CDH18: variants seen among roughly 807,000 people sequenced by gnomAD.
CDH18 encodes the protein cadherin-18.
In CDH18, 31 loss-of-function variants were observed where a neutral mutation model predicts 67.9. That is an observed-to-expected ratio of 0.46 (90% confidence interval 0.34 to 0.62). CDH18 has a LOEUF of 0.62. CDH18 is among the 20% of genes least tolerant of loss of function. The pLI, the probability that CDH18 is intolerant of heterozygous loss-of-function variation, is 0.01. For missense variants in CDH18, 890 were observed against 975.5 expected (o/e 0.91, Z 1.17); for synonymous variants, 362 against 347.2 (o/e 1.04, Z -0.48).
intron 10 of CDH18, among the ~76,000 whole-genome samples, chr5:19,506,625 A>C (rs1744212706): frequency 6.6e-6 from 1 of 151,876 alleles, no homozygotes; most frequent in Non-Finnish European, 1.5e-5. Flanking sequence ...TCTGATCTTT[A>C]ACAAGCCTGG....
At chr5:19,676,644 G>C (rs1759526289) in intron 5 of CDH18, among the ~76,000 whole-genome samples, 1 of 151,920 alleles carries the variant, frequency 6.6e-6, no homozygotes, top group East Asian at 1.9e-4. Context: ...CACATTAAGA[G>C]AAAAAATGGC....
chr5:19,575,329 T>C (rs928554567), intron 7 of CDH18, among the ~76,000 whole-genome samples: 3 of 152,212 alleles, frequency 2.0e-5, no homozygotes, highest in Non-Finnish European at 2.9e-5. Context: ...GTGATGATGG[T>C]GGTTGGTATC....
At chr5:19,786,439 A>G (rs1458161017) in intron 3 of CDH18, among the ~76,000 whole-genome samples, 1 of 152,164 alleles carries the variant, frequency 6.6e-6, no homozygotes, top group Non-Finnish European at 1.5e-5. Context: ...AGGCTAAACT[A>G]CTGAAGTGAA....
chr5:19,523,841 A>G (rs1478930270), intron 9 of CDH18, among the ~76,000 whole-genome samples: 3 of 152,148 alleles, frequency 2.0e-5, no homozygotes, highest in Non-Finnish European at 2.9e-5. Flanking sequence ...AACAACGACA[A>G]TAGGAAAATA....
At chr5:19,664,947 T>G (rs1324665500) in intron 5 of CDH18, among the ~76,000 whole-genome samples, 1 of 151,984 alleles carries the variant, frequency 6.6e-6, no homozygotes, top group African/African-American at 2.4e-5. Flanking sequence ...ATGAATATAT[T>G]TGAAATAATA....
chr5:19,502,277 G>A (rs1743375359), intron 11 of CDH18, among the ~76,000 whole-genome samples: 1 of 152,050 alleles, frequency 6.6e-6, no homozygotes, highest in South Asian at 2.1e-4. Context: ...TATATAGTTT[G>A]GACAAAGAAA....
chr5:19,494,378 A>C (rs1212998083), intron 11 of CDH18, among the ~76,000 whole-genome samples: 1 of 152,192 alleles, frequency 6.6e-6, no homozygotes, highest in African/African-American at 2.4e-5. Context: ...GAAAACAGAG[A>C]TCCCGTAAAC....
At position 19,747,161 on chromosome 5, in the gene CDH18, T is replaced by A. The variant is rs996292501; in HGVS notation, c.304A>T (p.Ile102Phe). 1.2e-6 allele frequency: 2 copies of A among 1,614,014 alleles called. No homozygotes were observed. The highest frequency in any genetic ancestry group is 4.5e-5 in the East Asian group (2 of 44,868). Residue 102 changes from isoleucine to phenylalanine, a missense_variant, in exon 4 of 13, where the codon ATC becomes TTC. This residue lies in a region of CDH18 where 234 missense variants were observed against 307.4 expected (regional missense o/e 0.76). Coordinates refer to ENST00000382275, the MANE Select transcript of CDH18 (RefSeq NM_004934.5). ...ATATCACCCGTGGTATCGTCAATGA[T>A]AAATATAGTCCCAGCACCCTCTCCA... is the stretch of plus-strand genomic sequence containing the variant. Reference protein sequence around the residue: ...LTGEGAGTIFIIDDTTGDIHS... With the variant: ...LTGEGAGTIFFIDDTTGDIHS...
chr5:19,768,664 T>A (rs1396821040), intron 3 of CDH18, among the ~76,000 whole-genome samples: 1 of 152,076 alleles, frequency 6.6e-6, no homozygotes, highest in Admixed American at 6.6e-5. Flanking sequence ...AAGCTGAGAC[T>A]TCCACAAGCA....
upstream of CDH18, among the ~76,000 whole-genome samples, chr5:19,988,857 G>A (rs200330639): frequency 9.9e-5 from 15 of 152,088 alleles, no homozygotes; most frequent in Non-Finnish European, 1.6e-4. Flanking sequence ...AAGTACTCAA[G>A]GTATGGAGGG....
intron 1 of CDH18, among the ~76,000 whole-genome samples, chr5:20,570,812 T>C (rs926621363): frequency 6.6e-6 from 1 of 152,174 alleles, no homozygotes; most frequent in Admixed American, 6.5e-5. Context: ...TCTATGTTAT[T>C]CTGACTTTAT....
chr5:19,895,193 CTG>C (rs1480615440), intron 2 of CDH18, among the ~76,000 whole-genome samples: 1 of 152,074 alleles, frequency 6.6e-6, no homozygotes, highest in East Asian at 1.9e-4. Flanking sequence ...GGGAACAGAA[CTG>C]AGATTCTCCC....
chr5:20,361,478 G>GTTCTTATT (rs1742082751), intron 1 of CDH18, among the ~76,000 whole-genome samples: 1 of 151,898 alleles, frequency 6.6e-6, no homozygotes, highest in Non-Finnish European at 1.5e-5. Context: ...ATTATTCACA[G>GTTCTTATT]GTTTTCTTTA....
At chr5:19,599,758 C>T (rs1472788062) in intron 6 of CDH18, among the ~76,000 whole-genome samples, 1 of 151,970 alleles carries the variant, frequency 6.6e-6, no homozygotes, top group Non-Finnish European at 1.5e-5. Flanking sequence ...AAAAATTAGC[C>T]GGGCATGGTG....
intron 2 of CDH18, among the ~76,000 whole-genome samples, chr5:20,242,635 T>TAC (rs1743057580): frequency 1.0e-5 from 1 of 95,898 alleles, no homozygotes; most frequent in East Asian, 2.9e-4. Context: ...TATATATATG[T>TAC]ATATATATAT....
intron 1 of CDH18, among the ~76,000 whole-genome samples, chr5:20,475,873 G>C (rs1752404509): frequency 6.6e-6 from 1 of 152,138 alleles, no homozygotes; most frequent in South Asian, 2.1e-4. Context: ...CATAAAAATG[G>C]AAAGGTTTGG....
chr5:20,143,273 T>A (rs58835509), intron 2 of CDH18, among the ~76,000 whole-genome samples: 43,615 of 152,122 alleles, frequency 0.29, 7,565 homozygotes, highest in Admixed American at 0.37. Flanking sequence ...AAGGTGAACC[T>A]TGCTCAAATA....
At chr5:20,410,027 A>T (rs1296802599) in intron 1 of CDH18, among the ~76,000 whole-genome samples, 1 of 151,818 alleles carries the variant, frequency 6.6e-6, no homozygotes, top group African/African-American at 2.4e-5. Flanking sequence ...TCTATAGCAG[A>T]TGGCATCACT....
chr5:19,802,914 A>G (rs927045859), intron 3 of CDH18, among the ~76,000 whole-genome samples: 4 of 152,228 alleles, frequency 2.6e-5, no homozygotes, highest in African/African-American at 9.6e-5. Flanking sequence ...GTCTGGCCCA[A>G]TTGTTCCTAA....
Sources: gnomAD v4.1 joint callset for allele counts (sites outside exome capture counted in the v4.1 genomes callset) on GRCh38, gnomAD v4.1.1 for gene constraint, gnomAD v4.1.1 regional missense constraint, MANE v1.5 for transcripts, NCBI Gene and HGNC (gene_info 2026-07-23, HGNC 2026-07-21) for gene names.